Variants in ROBO1 observed in about 807,000 individuals in gnomAD.
The protein encoded by ROBO1 is roundabout homolog 1.
A neutral mutation model predicts 195.9 loss-of-function variants in ROBO1; 149 were observed. That is an observed-to-expected ratio of 0.76 (90% CI 0.67 to 0.87). The LOEUF (loss-of-function observed/expected upper bound fraction) is 0.87. ROBO1 is among the 40% of genes least tolerant of loss of function. The pLI, the probability that ROBO1 is intolerant of heterozygous loss-of-function variation, is 0.00. For missense variants in ROBO1, 1,933 were observed against 2,068.3 expected (o/e 0.93, Z 1.27); for synonymous variants, 816 against 733.2 (o/e 1.11, Z -1.82).
At chr3:79,118,128 C>T (rs1191282538) in intron 3 of ROBO1, among the ~76,000 whole-genome samples, 2 of 152,008 alleles carry the variant, frequency 1.3e-5, no homozygotes, top group African/African-American at 2.4e-5. Flanking sequence ...GAGACAGGTA[C>T]GAGTCTTACT....
intron 29 of ROBO1, among the ~76,000 whole-genome samples, chr3:78,601,251 G>C (rs1249987098): frequency 6.6e-6 from 1 of 152,108 alleles, no homozygotes; most frequent in East Asian, 1.9e-4. Context: ...GTAGTGGAAG[G>C]GTAAGGCAGA....
rs548443884 is a variant in ROBO1, at chr3:78,695,957, A to G, written c.1046-7185T>C. Among the ~76,000 whole-genome samples, 3 of 152,208 alleles carry G rather than the reference A, an allele frequency of 2.0e-5. No individual in the cohort carries two copies. The South Asian group carries it at 6.2e-4, about 32-fold the overall frequency. Reference sequence around the variant, plus strand: ...ATTACCATCCCTAACTTTCTCTGCTAAAGAATAAATTATAGGAATTTATTT... The same window carrying G: ...ATTACCATCCCTAACTTTCTCTGCTGAAGAATAAATTATAGGAATTTATTT... On this transcript the variant is annotated intron_variant, in intron 8 of 30. Coordinates refer to ENST00000464233, the MANE Select transcript of ROBO1 (RefSeq NM_002941.4).
intron 4 of ROBO1, among the ~76,000 whole-genome samples, chr3:78,810,519 A>T (rs546659035): frequency 6.6e-5 from 10 of 152,304 alleles, no homozygotes; most frequent in African/African-American, 2.2e-4. Flanking sequence ...AATGAAGTAT[A>T]TTATTGGTAG....
chr3:79,254,533 G>C (rs1355887635), intron 2 of ROBO1, among the ~76,000 whole-genome samples: 1 of 151,950 alleles, frequency 6.6e-6, no homozygotes, highest in Non-Finnish European at 1.5e-5. Flanking sequence ...GGCTGCTGTG[G>C]CACAAATGGA....
intron 4 of ROBO1, among the ~76,000 whole-genome samples, chr3:78,849,806 T>A (rs2033922731): frequency 6.8e-6 from 1 of 146,100 alleles, no homozygotes; most frequent in Non-Finnish European, 1.5e-5. Flanking sequence ...CATGTTTTTG[T>A]TTACAGTCAG....
At chr3:79,765,712 G>A (rs1003140809) in intron 1 of ROBO1, among the ~76,000 whole-genome samples, 2 of 152,056 alleles carry the variant, frequency 1.3e-5, no homozygotes, top group African/African-American at 4.8e-5. Context: ...CATGGAAAGC[G>A]AGGAAAAAAT....
intron 8 of ROBO1, among the ~76,000 whole-genome samples, chr3:78,706,997 C>CTAT (rs1438047025): frequency 1.3e-5 from 2 of 152,092 alleles, no homozygotes; most frequent in Admixed American, 1.3e-4. Flanking sequence ...CACTTCTTCA[C>CTAT]TATTATATTA....
At chr3:79,080,716 A>G (rs954363841) in intron 3 of ROBO1, among the ~76,000 whole-genome samples, 3 of 152,120 alleles carry the variant, frequency 2.0e-5, no homozygotes, top group Middle Eastern at 3.2e-3. Context: ...GCTCTAATTC[A>G]TGCAGCCTTC....
At chr3:79,026,515 TTTTTA>T (rs2078206216) in intron 3 of ROBO1, among the ~76,000 whole-genome samples, 3 of 152,082 alleles carry the variant, frequency 2.0e-5, no homozygotes, top group Admixed American at 2.0e-4. Context: ...GTTCAAAGCT[TTTTTA>T]TTTTATGTCC....
chr3:79,173,641 G>A (rs534951170), intron 2 of ROBO1, among the ~76,000 whole-genome samples: 15 of 152,168 alleles, frequency 9.9e-5, no homozygotes, highest in African/African-American at 2.6e-4. Flanking sequence ...CGAGCCTCCC[G>A]GATGAGCACG....
At chr3:79,753,758 G>A (rs1014357712) in intron 1 of ROBO1, among the ~76,000 whole-genome samples, 5 of 152,190 alleles carry the variant, frequency 3.3e-5, no homozygotes, top group African/African-American at 1.2e-4. Flanking sequence ...AGAGGAGAAA[G>A]AGGCAGCAAA....
intron 4 of ROBO1, among the ~76,000 whole-genome samples, chr3:78,921,713 T>C (rs556130044): frequency 1.3e-5 from 2 of 152,024 alleles, no homozygotes; most frequent in East Asian, 3.9e-4. Context: ...AAATCTGGCA[T>C]GAATAGTTAA....
chr3:79,449,313 T>G, intron 2 of ROBO1, among the ~76,000 whole-genome samples: 1 of 152,026 alleles, frequency 6.6e-6, no homozygotes. Context: ...GCAAACCTCC[T>G]GCATTTCCTC....
In ROBO1 at chr3:78,639,908, A is replaced by T; in HGVS notation, c.2883-10T>A. On this transcript the variant is annotated splice_polypyrimidine_tract_variant and intron_variant, in intron 21 of 30. Coordinates refer to ENST00000464233, the MANE Select transcript of ROBO1 (RefSeq NM_002941.4). ...GTTGAGAAGTCCAGGCCTAAATAAA[A>T]AAAAAATATTAAAGCAAATGTTATA... 1 of 1,518,096 alleles carries T rather than the reference A, an allele frequency of 6.6e-7. No homozygotes were observed. Among genetic ancestry groups the T allele is most frequent in the Non-Finnish European group, 8.8e-7 (1 of 1,131,522 alleles). 94.0% of individuals were successfully genotyped at this position (1,518,096 alleles called of 1,614,324 possible).
At chr3:78,694,156 C>G (rs1249375168) in intron 8 of ROBO1, among the ~76,000 whole-genome samples, 1 of 152,080 alleles carries the variant, frequency 6.6e-6, no homozygotes, top group East Asian at 1.9e-4. Flanking sequence ...CATTAGGCAT[C>G]TTAATAGAGA....
chr3:79,499,701 C>T (rs957515726), intron 2 of ROBO1, among the ~76,000 whole-genome samples: 1 of 152,108 alleles, frequency 6.6e-6, no homozygotes, highest in Non-Finnish European at 1.5e-5. Context: ...TGTCATTGGA[C>T]ATATCAGATA....
At chr3:78,711,382 C>CTTTCTTTCTTT (rs2081717340) in intron 8 of ROBO1, among the ~76,000 whole-genome samples, 1 of 33,032 alleles carries the variant, frequency 3.0e-5, no homozygotes, top group African/African-American at 1.1e-4. Context: ...TTCCTTCCTT[C>CTTTCTTTCTTT]CTTCCTTCCT....
chr3:78,620,282 A>T (rs1023405173), intron 26 of ROBO1, among the ~76,000 whole-genome samples: 5 of 151,794 alleles, frequency 3.3e-5, no homozygotes, highest in Non-Finnish European at 5.9e-5. Context: ...GCACTCTGGG[A>T]GGCCAAGGTG....
chr3:79,225,220 T>G (rs2082205970), intron 2 of ROBO1, among the ~76,000 whole-genome samples: 1 of 152,258 alleles, frequency 6.6e-6, no homozygotes, highest in Middle Eastern at 3.4e-3. Context: ...TATATAAAGT[T>G]AGTGAGGAAT....
Sources: gnomAD v4.1 joint callset for allele counts (sites outside exome capture counted in the v4.1 genomes callset) on GRCh38, gnomAD v4.1.1 for gene constraint, MANE v1.5 for transcripts, NCBI Gene and HGNC (gene_info 2026-07-23, HGNC 2026-07-21) for gene names.